ANKRD36C: variants seen among roughly 807,000 people sequenced by gnomAD.
ANKRD36C encodes ankyrin repeat domain-containing protein 36C.
A neutral mutation model predicts 276.4 loss-of-function variants in ANKRD36C; 61 were observed. The observed-to-expected ratio is 0.22, with a 90% CI of 0.18 to 0.27. The LOEUF (loss-of-function observed/expected upper bound fraction) is 0.27, where lower values mean the gene tolerates loss of function less well. ANKRD36C is among the 10% of genes least tolerant of loss of function. The pLI, the probability that ANKRD36C is intolerant of heterozygous loss-of-function variation, is 1.00. For missense variants in ANKRD36C, 1,447 were observed against 2,032.3 expected, an observed-to-expected ratio of 0.71 and a Z score of 5.54; for synonymous variants, 483 against 680.1, an observed-to-expected ratio of 0.71 and a Z score of 4.51.
chr2:95,876,310 G>A, intron 59 of ANKRD36C, 129 bp downstream of exon 79: 1 of 757,174 alleles, frequency 1.3e-6, no homozygotes, highest in East Asian at 2.7e-5. Flanking sequence ...TTTTTAAAAT[G>A]AAATATTAAA....
At chr2:95,957,437 T>C (rs1432451889) in intron 12 of ANKRD36C, among the ~76,000 whole-genome samples, 1 of 152,306 alleles carries the variant, frequency 6.6e-6, no homozygotes, top group Admixed American at 6.5e-5. Context: ...ATTGGTCAGC[T>C]TGGATATATG....
intron 36 of ANKRD36C, 22 bp from the exon 39 acceptor site, chr2:95,916,193 T>G (rs780084334): frequency 3.1e-6 from 5 of 1,603,314 alleles, no homozygotes; most frequent in Non-Finnish European, 4.2e-6. Context: ...AAGGGACACG[T>G]AATCACTCAC....
At chr2:95,934,187 C>T (rs1412802042) in intron 24 of ANKRD36C, among the ~76,000 whole-genome samples, 1 of 152,174 alleles carries the variant, frequency 6.6e-6, no homozygotes, top group Non-Finnish European at 1.5e-5. Flanking sequence ...CTGTGGAAGA[C>T]AGTGTGGTGA....
intron 44 of ANKRD36C, 28 bp from the exon 63 acceptor site, chr2:95,893,752 C>A: frequency 6.2e-7 from 1 of 1,604,200 alleles, no homozygotes; most frequent in Non-Finnish European, 8.5e-7. Context: ...TTCATAATCA[C>A]TCATATGTAA....
exon 38 of ANKRD36C, chr2:95,916,050 A>G: frequency 1.3e-6 from 2 of 1,586,640 alleles, no homozygotes; most frequent in Non-Finnish European, 1.7e-6. Context: ...CATCACTTGT[A>G]GCCTGAATGG....
intron 6 of ANKRD36C, among the ~76,000 whole-genome samples, chr2:95,974,232 C>T (rs1223067917): frequency 6.6e-6 from 1 of 152,210 alleles, no homozygotes; most frequent in Admixed American, 6.5e-5. Context: ...AGTGTCTTAA[C>T]TTAATTTGAA....
At chr2:95,988,966 G>A (rs1679084999) in intron 1 of ANKRD36C, among the ~76,000 whole-genome samples, 1 of 152,116 alleles carries the variant, frequency 6.6e-6, no homozygotes, top group African/African-American at 2.4e-5. Flanking sequence ...TCAGGAGTTT[G>A]AGACCAGCCT....
intron 59 of ANKRD36C, among the ~76,000 whole-genome samples, chr2:95,870,614 T>C (rs907533887): frequency 2.6e-5 from 4 of 152,184 alleles, no homozygotes; most frequent in African/African-American, 9.7e-5. Context: ...GCGCCTCTCC[T>C]CTTCCAAAGG....
chr2:95,910,969 C>G (rs867111633), intron 42 of ANKRD36C, among the ~76,000 whole-genome samples: 1 of 151,442 alleles, frequency 6.6e-6, no homozygotes, highest in Non-Finnish European at 1.5e-5. Context: ...AGGATTTACA[C>G]CATTATACTA....
At chr2:95,972,977 A>C (rs1434441071) in intron 6 of ANKRD36C, among the ~76,000 whole-genome samples, 1 of 152,190 alleles carries the variant, frequency 6.6e-6, no homozygotes, top group Non-Finnish European at 1.5e-5. Context: ...AGGTGCAATG[A>C]CACACACCTG....
intron 60 of ANKRD36C, 31 bp downstream of exon 80, chr2:95,867,409 A>T (rs1675705736): frequency 5.6e-6 from 5 of 889,142 alleles, no homozygotes; most frequent in Middle Eastern, 7.1e-4. Flanking sequence ...TAGGATTTTT[A>T]AAAAGCCTTA....
chr2:95,921,566 T>C (rs1486317256), intron 34 of ANKRD36C, 41 bp downstream of exon 34: 1 of 1,580,602 alleles, frequency 6.3e-7, no homozygotes, highest in Non-Finnish European at 8.6e-7. Context: ...TTCTTTTCTA[T>C]CTGGATTGAA....
rs1260562131 is a variant in ANKRD36C at position 95,991,504 on chromosome 2, C to A, written c.197+8G>T. The A allele has an allele frequency of 5.0e-6, 8 of 1,587,844 alleles. No individual in the cohort carries two copies. Among genetic ancestry groups the A allele is most frequent in the Non-Finnish European group, 6.0e-6 (7 of 1,166,590 alleles). ...CCTCCCGCAGCCCCGGCTCCCGGCCCCCATTACCTTTCCTTCCTGTCTCTC... is the reference window on the plus strand; with the variant it reads ...CCTCCCGCAGCCCCGGCTCCCGGCCACCATTACCTTTCCTTCCTGTCTCTC... On this transcript the variant is annotated splice_region_variant and intron_variant, in intron 1 of 66. Transcript: ENST00000456556.
At chr2:95,862,284 C>T (rs1260570378) in intron 60 of ANKRD36C, among the ~76,000 whole-genome samples, 5 of 151,920 alleles carry the variant, frequency 3.3e-5, no homozygotes, top group Non-Finnish European at 7.4e-5. Flanking sequence ...GGCCATACAA[C>T]AACTCTCAAA....
intron 28 of ANKRD36C, 21 bp from the exon 29 acceptor site, chr2:95,925,568 ATAAT>A: frequency 6.5e-7 from 1 of 1,534,318 alleles, no homozygotes; most frequent in South Asian, 1.2e-5. Context: ...AAAGAAATAT[ATAAT>A]TCATCATATG....
At chr2:95,919,389 T>G (rs1414422454) in intron 34 of ANKRD36C, among the ~76,000 whole-genome samples, 4 of 133,420 alleles carry the variant, frequency 3.0e-5, no homozygotes, top group African/African-American at 1.0e-4. Flanking sequence ...GTAAAATCTG[T>G]ACTTCCTCTC....
At chr2:95,903,345 C>G (rs1450989001) in intron 42 of ANKRD36C, among the ~76,000 whole-genome samples, 1 of 150,398 alleles carries the variant, frequency 6.6e-6, no homozygotes, top group Non-Finnish European at 1.5e-5. Context: ...ATGTCAATAT[C>G]AACGTGGATA....
exon 42 of ANKRD36C, chr2:95,912,302 C>T (rs778920669): frequency 1.3e-5 from 21 of 1,575,832 alleles, no homozygotes; most frequent in Non-Finnish European, 1.8e-5. Flanking sequence ...AAGAATCTTT[C>T]TCATCACTTG....
rs1162690005 is a variant in ANKRD36C, at chr2:95,918,187, G to C, written c.2246-145C>G. On this transcript the variant is annotated intron_variant, in intron 34 of 66. Transcript: ENST00000456556. ...TCTTCTACTTTGTGTCTTGGGACTGGAACATGACAGAAGTACACTGGTAAG... is the reference window on the plus strand; with the variant it reads ...TCTTCTACTTTGTGTCTTGGGACTGCAACATGACAGAAGTACACTGGTAAG... The C allele has an allele frequency of 5.2e-6, 7 of 1,347,064 alleles. No individual in the cohort carries two copies. The Admixed American group carries it at 1.1e-4, about 21-fold the overall frequency. 83.4% of individuals were successfully genotyped at this position (1,347,064 alleles called of 1,614,324 possible). A position where few individuals can be genotyped will look rare whatever the true frequency, so the allele number is the denominator to read the frequency against.
Sources: allele counts gnomAD v4.1 joint callset (sites outside exome capture counted in the v4.1 genomes callset), GRCh38; gene constraint gnomAD v4.1.1; transcripts MANE v1.5; gene names NCBI Gene and HGNC (gene_info 2026-07-23, HGNC 2026-07-21).